The following UFD1 variants were observed in gnomAD, a reference collection of about 807,000 sequenced individuals.
UFD1 encodes the protein ubiquitin recognition factor in ER associated degradation 1, also known as ubiquitin recognition factor in ER-associated degradation protein 1.
UFD1 carries 13 observed loss-of-function variants against 45.9 expected under a neutral mutation model. The ratio of observed to expected loss-of-function variants is 0.28; its 90% CI spans 0.18 to 0.45. The LOEUF (loss-of-function observed/expected upper bound fraction) is 0.45, where lower values mean the gene tolerates loss of function less well. Among genes scored for constraint, UFD1 ranks in the 20% least tolerant of loss-of-function variants. UFD1 has a pLI of 1.00. For synonymous variants in UFD1, 128 were observed against 139.2 expected, an observed-to-expected ratio of 0.92 and a Z score of 0.56; for missense variants, 218 against 389.2, an observed-to-expected ratio of 0.56 and a Z score of 3.70.
At chr22:19,472,024 G>A (rs1233825238) in intron 3 of UFD1, among the ~76,000 whole-genome samples, 1 of 152,216 alleles carries the variant, frequency 6.6e-6, no homozygotes, top group Non-Finnish European at 1.5e-5. Context: ...ATTTTCTGAA[G>A]TCAACATTTT....
chr22:19,472,889 C>T (rs1455397870), intron 3 of UFD1, among the ~76,000 whole-genome samples: 1 of 152,232 alleles, frequency 6.6e-6, no homozygotes, highest in Admixed American at 6.5e-5. Context: ...CAGAATTTAG[C>T]TTGTTAGTTC....
At chr22:19,451,674 G>C (rs1420388666) in intron 11 of UFD1, 1 of 985,324 alleles carries the variant, frequency 1.0e-6, no homozygotes, top group East Asian at 1.1e-4. Context: ...ACCTGCAATA[G>C]AGCACTGTTT....
chr22:19,470,627 A>G (rs1395551912), intron 4 of UFD1: 1 of 405,314 alleles, frequency 2.5e-6, no homozygotes, highest in Admixed American at 2.7e-5. Flanking sequence ...TTTTTAGTAG[A>G]GACGGGGTTT....
chr22:19,477,886 T>C (rs1321651370), intron 1 of UFD1, among the ~76,000 whole-genome samples: 2 of 152,232 alleles, frequency 1.3e-5, no homozygotes, highest in Non-Finnish European at 2.9e-5. Context: ...TCCCTGGCAC[T>C]CTAACACAGT....
chr22:19,463,614 C>T (rs2089782157), intron 6 of UFD1, among the ~76,000 whole-genome samples: 1 of 152,208 alleles, frequency 6.6e-6, no homozygotes. Context: ...TCTCCTGAGA[C>T]AATGACAACA....
Position 19,456,711 on chromosome 22 carries a change from G to A in UFD1, c.631-77C>T, listed in dbSNP as rs1024316706. On this transcript the variant is annotated intron_variant, in intron 8 of 11. Coordinates refer to ENST00000263202, the MANE Select transcript of UFD1 (RefSeq NM_005659.7). ...TCCCTCTCACCCCCACCCCCGGCTA[G>A]GATGTCCCCCGGAAGCATGGCTGGA... 9.3e-5 allele frequency: 150 copies of A among 1,613,270 alleles called. No homozygotes were observed. The Middle Eastern group carries it at 1.5e-3, about 16-fold the overall frequency.
At chr22:19,456,713 A>T in intron 8 of UFD1, 79 bp from the exon 9 acceptor site, 1 of 1,612,206 alleles carries the variant, frequency 6.2e-7, no homozygotes, top group South Asian at 1.1e-5. Context: ...CCCGGCTAGG[A>T]TGTCCCCCGG....
intron 6 of UFD1, among the ~76,000 whole-genome samples, chr22:19,464,080 A>C (rs1483830570): frequency 6.6e-6 from 1 of 152,242 alleles, no homozygotes; most frequent in Non-Finnish European, 1.5e-5. Flanking sequence ...TAGTTTATTA[A>C]AAGGAAAAAA....
Position 19,450,354 on chromosome 22 carries a change from C to T in UFD1, c.*316G>A. 3.5e-6 allele frequency: 1 copy of T among 283,788 alleles called. No individual in the cohort carries two copies. Among genetic ancestry groups the T allele is most frequent in the Non-Finnish European group, 6.7e-6 (1 of 148,668 alleles). 17.6% of individuals were successfully genotyped at this position (283,788 alleles called of 1,614,324 possible). A position where few individuals can be genotyped will look rare whatever the true frequency, so the allele number is the denominator to read the frequency against. ...ATTTAGTCACCTTCATAGGTTTTGA[C>T]AGAATTAGGGATGCAGAATTGCTCC... On this transcript the variant is annotated 3_prime_UTR_variant, in exon 12 of 12. Coordinates refer to ENST00000263202, the MANE Select transcript of UFD1 (RefSeq NM_005659.7).
At chr22:19,478,902 A>C in intron 1 of UFD1, 181 bp downstream of exon 1, 5 of 752,858 alleles carry the variant, frequency 6.6e-6, no homozygotes, top group Non-Finnish European at 1.0e-5. Flanking sequence ...GGACGCGACC[A>C]CAGGCGGTTA....
rs545807767 is a variant in UFD1, at chr22:19,479,163, C to T, written c.-78G>A. ...CCCCGCCGACCGCTCTCCCAGCCGC[C>T]GCTGCCGCTGCCGCCGCGCCAAGCC... On this transcript the variant is annotated 5_prime_UTR_variant, in exon 1 of 12. Transcript: ENST00000263202. 6.4e-7 allele frequency: 1 copy of T among 1,569,350 alleles called. No individual in the cohort carries two copies. Among genetic ancestry groups the T allele is most frequent in the Non-Finnish European group, 8.6e-7 (1 of 1,159,540 alleles).
chr22:19,454,606 T>G, intron 11 of UFD1, 143 bp downstream of exon 11: 1 of 1,495,912 alleles, frequency 6.7e-7, no homozygotes, highest in African/African-American at 1.4e-5. Flanking sequence ...CTTTTGTAAA[T>G]TGCCCAGTCT....
intron 6 of UFD1, 92 bp from the exon 7 acceptor site, chr22:19,458,231 G>T: frequency 1.5e-6 from 2 of 1,334,230 alleles, no homozygotes; most frequent in Non-Finnish European, 1.1e-6. Flanking sequence ...TGGCTCCTGC[G>T]AATGACACAG....
chr22:19,461,339 G>C (rs148429212), intron 6 of UFD1, among the ~76,000 whole-genome samples: 4 of 152,194 alleles, frequency 2.6e-5, no homozygotes, highest in African/African-American at 9.6e-5. Context: ...CCCAGATTCC[G>C]CAACCCCAGT....
intron 4 of UFD1, chr22:19,471,388 C>G: frequency 1.5e-6 from 1 of 649,940 alleles, no homozygotes; most frequent in South Asian, 1.4e-5. Context: ...TACTGTTGCT[C>G]CATTATTTTT....
At chr22:19,468,167 A>G (rs757912895) in intron 4 of UFD1, among the ~76,000 whole-genome samples, 164 bp from the exon 5 acceptor site, 1 of 152,214 alleles carries the variant, frequency 6.6e-6, no homozygotes, top group Non-Finnish European at 1.5e-5. Flanking sequence ...GGGAAAAATC[A>G]AGTGATGTGG....
chr22:19,453,447 G>A (rs997360446), intron 11 of UFD1: 6 of 985,358 alleles, frequency 6.1e-6, no homozygotes, highest in Non-Finnish European at 7.2e-6. Context: ...CAGGCCTGCT[G>A]TGCCCACTGG....
intron 11 of UFD1, chr22:19,453,539 G>A (rs2089699121): frequency 5.1e-6 from 5 of 985,410 alleles, no homozygotes; most frequent in Non-Finnish European, 4.8e-6. Flanking sequence ...TTAGGTCGGA[G>A]TCAGGCACTG....
chr22:19,467,698 C>T, intron 5 of UFD1, 175 bp downstream of exon 5: 1 of 1,170,370 alleles, frequency 8.5e-7, no homozygotes, highest in South Asian at 1.6e-5. Context: ...ACCCAGTGCA[C>T]TTGGCCAGGG....
Sources: allele counts gnomAD v4.1 joint callset (sites outside exome capture counted in the v4.1 genomes callset), GRCh38; gene constraint gnomAD v4.1.1; transcripts MANE v1.5; gene names NCBI Gene and HGNC (gene_info 2026-07-23, HGNC 2026-07-21).